AAK1: variants seen among roughly 807,000 people sequenced by gnomAD.
The protein encoded by AAK1 is AP2 associated kinase 1.
Under a neutral mutation model 116.0 loss-of-function variants are expected in AAK1, and 37 were observed. The observed-to-expected ratio is 0.32, with a 90% confidence interval of 0.25 to 0.42. AAK1 has a LOEUF of 0.42. Ranked by LOEUF, AAK1 falls within the 10% of genes least tolerant of loss-of-function variation. AAK1 has a pLI of 1.00. For missense variants in AAK1, 919 were observed against 1,170.6 expected (o/e 0.79, Z 3.14); for synonymous variants, 458 against 439.9 (o/e 1.04, Z -0.51).
intron 10 of AAK1, among the ~76,000 whole-genome samples, chr2:69,524,171 A>G (rs1185274048): frequency 6.6e-6 from 1 of 152,206 alleles, no homozygotes; most frequent in Non-Finnish European, 1.5e-5. Context: ...AGAAAGTAAG[A>G]AGGAAAGGGA....
At chr2:69,567,151 C>T (rs1671909725) in intron 2 of AAK1, among the ~76,000 whole-genome samples, 1 of 152,206 alleles carries the variant, frequency 6.6e-6, no homozygotes, top group South Asian at 2.1e-4. Flanking sequence ...ATTGCTTATG[C>T]TCCAATCTGC....
intron 16 of AAK1, among the ~76,000 whole-genome samples, chr2:69,498,177 C>A (rs150994080): frequency 3.8e-4 from 58 of 152,344 alleles, no homozygotes; most frequent in African/African-American, 1.3e-3. Flanking sequence ...CTCTACTAAT[C>A]CCCTTGGCCT....
In AAK1 at chr2:69,508,147, A is replaced by C. The variant is rs1448664609; in HGVS notation, c.2007-569T>G. On this transcript the variant is annotated intron_variant, in intron 14 of 21. Coordinates refer to ENST00000409085, the MANE Select transcript of AAK1 (RefSeq NM_014911.5). ...TCCTTAATCTCTTGCTTAAGTTTTC[A>C]GTCTTATCTGCAAGTTGTTTCAGTT... Among the ~76,000 whole-genome samples the C allele has an allele frequency of 1.3e-5, 2 of 152,202 alleles. 1 individual carries two copies. Among genetic ancestry groups the C allele is most frequent in the Non-Finnish European group, 2.9e-5 (2 of 68,042 alleles).
Position 69,610,080 on chromosome 2 carries a change from G to A in AAK1, c.163+32798C>T, listed in dbSNP as rs540668490. Among the ~76,000 whole-genome samples, 25 of 151,040 alleles carry A rather than the reference G, an allele frequency of 1.7e-4. No homozygotes were observed. In the South Asian group the frequency reaches 5.2e-3, roughly 32 times the overall value. On this transcript the variant is annotated intron_variant, in intron 2 of 21. Coordinates refer to ENST00000409085, the MANE Select transcript of AAK1 (RefSeq NM_014911.5). The stretch of plus-strand genomic sequence containing the variant: ...AAAAAAAAAAAAAAAAAAATTGGAG[G>A]TCACATACCTTCTGATTTAAAAACT...
chr2:69,596,456 A>C (rs531672156), intron 2 of AAK1, among the ~76,000 whole-genome samples: 1 of 152,226 alleles, frequency 6.6e-6, no homozygotes, highest in East Asian at 1.9e-4. Flanking sequence ...TCCTGACCTT[A>C]GGTGATCCAC....
At chr2:69,629,856 A>G (rs1259844186) in intron 2 of AAK1, among the ~76,000 whole-genome samples, 1 of 152,224 alleles carries the variant, frequency 6.6e-6, no homozygotes, top group African/African-American at 2.4e-5. Context: ...AAACAGTAAA[A>G]TAAAACTTTG....
Position 69,581,216 on chromosome 2 carries a change from C to G in AAK1, c.164-24238G>C, listed in dbSNP as rs991230964. On this transcript the variant is annotated intron_variant, in intron 2 of 21. Transcript: ENST00000409085. ...GCAACCTCCGCCTCCCGGGTTCAAG[C>G]AATTCTCCTGCCTCAGCCTCCTGAG... is the stretch of plus-strand genomic sequence containing the variant. 4.1e-4 allele frequency among the ~76,000 whole-genome samples: 63 copies of G among 152,226 alleles called. 1 individual carries two copies. Among genetic ancestry groups the G allele is most frequent in the African/African-American group, 1.4e-3 (58 of 41,534 alleles).
Position 69,475,142 on chromosome 2 carries a change from A to G in AAK1, c.*727T>C, listed in dbSNP as rs1479952148. On this transcript the variant is annotated 3_prime_UTR_variant, in exon 22 of 22. Transcript: ENST00000409085. ...GTATCCAAGGATCTCAAATACTTGC[A>G]GTCACGTCTCCAGATCTGAGAAATC... The G allele has an allele frequency of 4.1e-6, 4 of 985,870 alleles. No homozygotes were observed. The East Asian group carries it at 3.4e-4, about 84-fold the overall frequency. 61.1% of individuals were successfully genotyped at this position (985,870 alleles called of 1,614,324 possible). A position where few individuals can be genotyped will look rare whatever the true frequency, so the allele number is the denominator to read the frequency against.
At chr2:69,545,672 G>A (rs924853855) in intron 3 of AAK1, among the ~76,000 whole-genome samples, 1 of 152,208 alleles carries the variant, frequency 6.6e-6, no homozygotes, top group Admixed American at 6.5e-5. Context: ...AAACTCATTA[G>A]AGTCTTCCTC....
chr2:69,481,046 C>CTT, intron 18 of AAK1, 85 bp from the exon 19 acceptor site: 1 of 1,150,492 alleles, frequency 8.7e-7, no homozygotes, highest in Non-Finnish European at 1.2e-6. Flanking sequence ...AAGCTTTCTT[C>CTT]TTTTTTTTTA....
In AAK1 at chr2:69,474,225, A is replaced by C. The variant is rs1046423893; in HGVS notation, c.*1644T>G. On this transcript the variant is annotated 3_prime_UTR_variant, in exon 22 of 22. Transcript: ENST00000409085. ...AGTGCAAATGTGAGGAAGAAGAAAC[A>C]AAAGTACTAGATAGCAAAACAAGCA... 1 of 985,764 alleles carries C rather than the reference A, an allele frequency of 1.0e-6. No homozygotes were observed. The highest frequency in any genetic ancestry group is 6.1e-5 in the Admixed American group (1 of 16,272). 61.1% of individuals were successfully genotyped at this position (985,764 alleles called of 1,614,324 possible). A position where few individuals can be genotyped will look rare whatever the true frequency, so the allele number is the denominator to read the frequency against.
At chr2:69,574,629 T>A (rs1265767486) in intron 2 of AAK1, among the ~76,000 whole-genome samples, 2 of 150,848 alleles carry the variant, frequency 1.3e-5, no homozygotes, top group Non-Finnish European at 3.0e-5. Context: ...TAAAAAAAAA[T>A]AGTTTGTTTA....
intron 7 of AAK1, among the ~76,000 whole-genome samples, chr2:69,530,390 T>C (rs1312408478): frequency 1.3e-5 from 2 of 152,188 alleles, no homozygotes; most frequent in Non-Finnish European, 2.9e-5. Context: ...TAAGAACCAG[T>C]AACATATACA....
intron 17 of AAK1, among the ~76,000 whole-genome samples, chr2:69,493,158 C>CAAAAAAAAAAAATAAAAAAAAAAAAAAA (rs1675603851): frequency 2.7e-5 from 1 of 37,566 alleles, no homozygotes; most frequent in Non-Finnish European, 6.5e-5. Context: ...GACTCCGTCT[C>CAAAAAAAAAAAATAAAAAAAAAAAAAAA]AAAAAAAAAA....
intron 17 of AAK1, among the ~76,000 whole-genome samples, chr2:69,494,618 C>G (rs1053465595): frequency 6.6e-6 from 1 of 152,182 alleles, no homozygotes; most frequent in Non-Finnish European, 1.5e-5. Flanking sequence ...TGAGCCCCAG[C>G]TGGAGTTTAC....
At chr2:69,493,158 C>CAAAAAAAAAAAAAAAAAAAGAAAAA (rs1675606237) in intron 17 of AAK1, among the ~76,000 whole-genome samples, 1 of 37,566 alleles carries the variant, frequency 2.7e-5, no homozygotes, top group Non-Finnish European at 6.5e-5. Flanking sequence ...GACTCCGTCT[C>CAAAAAAAAAAAAAAAAAAAGAAAAA]AAAAAAAAAA....
intron 5 of AAK1, among the ~76,000 whole-genome samples, chr2:69,538,656 C>T (rs747884449): frequency 2.6e-5 from 4 of 152,294 alleles, no homozygotes; most frequent in African/African-American, 4.8e-5. Flanking sequence ...CCAAGGCAGG[C>T]GGATCACTTG....
chr2:69,509,209 A>G (rs777828115), intron 14 of AAK1, 22 bp downstream of exon 14: 21 of 1,610,276 alleles, frequency 1.3e-5, no homozygotes, highest in Middle Eastern at 3.3e-4. Flanking sequence ...GGTAAGAACA[A>G]CAAAGAGGAA....
rs1178619506 is a variant in AAK1 at position 69,467,974 on chromosome 2, G to C, written c.*7895C>G. 1.0e-6 allele frequency: 1 copy of C among 985,250 alleles called. No homozygotes were observed. The highest frequency in any genetic ancestry group is 1.2e-6 in the Non-Finnish European group (1 of 829,902). 61.0% of individuals were successfully genotyped at this position (985,250 alleles called of 1,614,324 possible). ...ACCTTAAATATTGTTTTCAGAAACA[G>C]AACAAAAATGTGTTTGTCCTCCATT... On this transcript the variant is annotated 3_prime_UTR_variant, in exon 22 of 22. Coordinates refer to ENST00000409085, the MANE Select transcript of AAK1 (RefSeq NM_014911.5).
Sources: allele counts gnomAD v4.1 joint callset (sites outside exome capture counted in the v4.1 genomes callset), GRCh38; gene constraint gnomAD v4.1.1; transcripts MANE v1.5; gene names NCBI Gene and HGNC (gene_info 2026-07-23, HGNC 2026-07-21).